TKTL1: variants seen among roughly 807,000 people sequenced by gnomAD.
TKTL1 encodes the protein transketolase like 1, also known as transketolase-like protein 1.
In TKTL1, 1 loss-of-function variant was observed where a neutral mutation model predicts 39.3. The observed-to-expected ratio is 0.03, with a 90% CI of 0.01 to 0.12. The LOEUF is 0.12. TKTL1 is among the 10% of genes least tolerant of loss of function. TKTL1 has a pLI of 1.00. For synonymous variants in TKTL1, 262 were observed against 193.8 expected (o/e 1.35, Z -2.92); for missense variants, 575 against 509.6 (o/e 1.13, Z -1.24).
At chrX:154,323,166 G>T in intron 8 of TKTL1, 41 bp from the exon 9 acceptor site, 1 of 1,196,831 alleles carries the variant, frequency 8.4e-7, no homozygotes, top group South Asian at 1.8e-5. Context: ...GGTTCCTAAT[G>T]GGGTTATGCT....
chrX:154,297,636 C>A (rs1456309185), intron 1 of TKTL1, among the ~76,000 whole-genome samples: 1 of 111,399 alleles, frequency 9.0e-6, no homozygotes, highest in Non-Finnish European at 1.9e-5. Flanking sequence ...TCAAAGTGTT[C>A]CACCTTAAAT....
intron 1 of TKTL1, among the ~76,000 whole-genome samples, chrX:154,297,357 G>A (rs896504857): frequency 4.5e-5 from 5 of 110,300 alleles, no homozygotes; most frequent in Admixed American, 2.9e-4. Flanking sequence ...CTGGGTTCAC[G>A]CCATTCTCCT....
At chrX:154,326,367 A>G (rs782331438) in intron 10 of TKTL1, among the ~76,000 whole-genome samples, 48 of 112,293 alleles carry the variant, frequency 4.3e-4, no homozygotes, top group Non-Finnish European at 7.9e-4. Context: ...GCTTGTAGAC[A>G]TTTTGGCATG....
chrX:154,321,070 A>C (rs1248699380), intron 8 of TKTL1, among the ~76,000 whole-genome samples, 157 bp downstream of exon 8: 2 of 107,470 alleles, frequency 1.9e-5, no homozygotes, highest in Non-Finnish European at 3.8e-5. Context: ...TAAAAGTGTC[A>C]GACTCTCAGG....
At chrX:154,303,456 C>A (rs1322018769) in intron 1 of TKTL1, among the ~76,000 whole-genome samples, 1 of 89,250 alleles carries the variant, frequency 1.1e-5, no homozygotes, top group Non-Finnish European at 2.1e-5. Flanking sequence ...GTCTCAAACT[C>A]CTGGGCTCAA....
intron 1 of TKTL1, among the ~76,000 whole-genome samples, chrX:154,302,489 C>G (rs146970012): frequency 6.7e-3 from 745 of 111,123 alleles, no homozygotes; most frequent in Non-Finnish European, 0.011. Flanking sequence ...ACCTTCCCCC[C>G]CGTATCCTCA....
intron 1 of TKTL1, among the ~76,000 whole-genome samples, chrX:154,300,412 ATATCT>A (rs2067264338): frequency 8.9e-6 from 1 of 112,049 alleles, no homozygotes; most frequent in Non-Finnish European, 1.9e-5. Flanking sequence ...TGAGCATGAG[ATATCT>A]TTGTTTGTGT....
chrX:154,318,786 A>G (rs1221440985), intron 7 of TKTL1, among the ~76,000 whole-genome samples: 1 of 109,213 alleles, frequency 9.2e-6, no homozygotes, highest in Admixed American at 9.8e-5. Context: ...AAAAAAAAAA[A>G]TTCATGCCAA....
At chrX:154,304,097 G>C (rs781919909) in intron 1 of TKTL1, among the ~76,000 whole-genome samples, 12 of 110,482 alleles carry the variant, frequency 1.1e-4, no homozygotes, top group Non-Finnish European at 1.3e-4. Flanking sequence ...AGAGGAGATG[G>C]AACCTGAGAG....
chrX:154,304,918 AAG>A, intron 1 of TKTL1: 1 of 815,176 alleles, frequency 1.2e-6, no homozygotes, highest in East Asian at 7.8e-5. Context: ...CACTTCCTAA[AAG>A]AAATTCATTG....
chrX:154,326,776 T>C lies in TKTL1; in HGVS notation c.1402-815T>C, dbSNP rs184078181. Among the ~76,000 whole-genome samples the C allele has an allele frequency of 9.7e-5, 11 of 112,855 alleles. No homozygotes were observed. The East Asian group carries it at 3.0e-3, about 31-fold the overall frequency. ...TCCTGACAAAAGCAAGTAAATTTACTGATAGTAAAGGATGTGAGATAAATG... is the reference window on the plus strand; with the variant it reads ...TCCTGACAAAAGCAAGTAAATTTACCGATAGTAAAGGATGTGAGATAAATG... On this transcript the variant is annotated intron_variant, in intron 10 of 12. Coordinates refer to ENST00000369915, the MANE Select transcript of TKTL1 (RefSeq NM_012253.4).
At chrX:154,309,514 C>T in intron 3 of TKTL1, 72 bp downstream of exon 3, 1 of 900,824 alleles carries the variant, frequency 1.1e-6, no homozygotes, top group East Asian at 3.1e-5. Flanking sequence ...CGGGGGGCAG[C>T]CACCTATCTC....
At chrX:154,315,994 C>T (rs2067396623) in intron 7 of TKTL1, among the ~76,000 whole-genome samples, 1 of 111,579 alleles carries the variant, frequency 9.0e-6, no homozygotes, top group Non-Finnish European at 1.9e-5. Context: ...AAGATGATGC[C>T]CAGCTCCTGT....
chrX:154,319,075 G>A (rs781955499), intron 7 of TKTL1, among the ~76,000 whole-genome samples: 1 of 111,430 alleles, frequency 9.0e-6, no homozygotes, highest in Non-Finnish European at 1.9e-5. Context: ...GAATGTGATA[G>A]CATTGAGAAC....
rs1019142113 is a variant in TKTL1, at chrX:154,310,751, G to C, written c.351-85G>C. Reference sequence around the variant, plus strand: ...GGTCTGGAGCAGCAGCTCCAGTTGCGTCCGTTTCTCCTCCTGAAATGCATT... The same window carrying C: ...GGTCTGGAGCAGCAGCTCCAGTTGCCTCCGTTTCTCCTCCTGAAATGCATT... On this transcript the variant is annotated intron_variant, in intron 3 of 12. Coordinates refer to ENST00000369915, the MANE Select transcript of TKTL1 (RefSeq NM_012253.4). 6.0e-5 allele frequency: 51 copies of C among 848,880 alleles called. 1 individual carries two copies. In the Admixed American group the frequency reaches 8.9e-4, roughly 15 times the overall value. 70.0% of individuals were successfully genotyped at this position (848,880 alleles called of 1,213,427 possible).
chrX:154,313,001 T>C (rs1557168724), intron 6 of TKTL1, among the ~76,000 whole-genome samples: 6 of 112,003 alleles, frequency 5.4e-5, no homozygotes. Flanking sequence ...ATAGATACTG[T>C]GTAGTGGTGA....
intron 3 of TKTL1, 55 bp downstream of exon 3, chrX:154,309,497 A>G (rs1052903986): frequency 3.9e-6 from 4 of 1,027,485 alleles, no homozygotes; most frequent in Non-Finnish European, 4.1e-6. Flanking sequence ...TCCCCTTCCT[A>G]GAGTCTCGGG....
At position 154,311,141 on chromosome X, in the gene TKTL1, C is replaced by T. The variant is rs148942914; in HGVS notation, c.573C>T (p.Asp191=). The T allele has an allele frequency of 1.6e-4, 189 of 1,210,436 alleles. No individual in the cohort carries two copies. Among genetic ancestry groups the T allele is most frequent in the Non-Finnish European group, 2.0e-4 (175 of 895,318 alleles). ...ACACTTATGTGGTGGACGGCCGGGA[C>T]GTGGAGGCACTGTGCCAGGTATTCT... ...GWNTYVVDGR[D]VEALCQVFWQ... is the part of the protein sequence containing the mutation. The change falls in exon 5 of 13, where the codon GAC becomes GAT. Residue 191 remains aspartate, a synonymous_variant. Transcript: ENST00000369915.
chrX:154,319,112 A>G (rs1456882628), intron 7 of TKTL1, among the ~76,000 whole-genome samples: 2 of 111,555 alleles, frequency 1.8e-5, no homozygotes, highest in East Asian at 5.6e-4. Context: ...TTTCATCTTC[A>G]TGATGTGCTA....
Sources: allele counts gnomAD v4.1 joint callset (sites outside exome capture counted in the v4.1 genomes callset), GRCh38; gene constraint gnomAD v4.1.1; transcripts MANE v1.5; gene names NCBI Gene and HGNC (gene_info 2026-07-23, HGNC 2026-07-21).